Variants in CDH11 observed in about 807,000 individuals in gnomAD.
CDH11 encodes cadherin-11.
A neutral mutation model predicts 67.8 loss-of-function variants in CDH11; 11 were observed. That is an observed-to-expected ratio of 0.16 (90% CI 0.10 to 0.27). The LOEUF (loss-of-function observed/expected upper bound fraction) is 0.27, where lower values mean the gene tolerates loss of function less well. CDH11 is among the 10% of genes least tolerant of loss of function. The pLI, the probability that CDH11 is intolerant of heterozygous loss-of-function variation, is 1.00. For synonymous variants in CDH11, 419 were observed against 400.0 expected (o/e 1.05, Z -0.57); for missense variants, 847 against 1,031.2 (o/e 0.82, Z 2.45).
chr16:64,970,798 C>G (rs1342940797), intron 11 of CDH11, among the ~76,000 whole-genome samples: 2 of 152,168 alleles, frequency 1.3e-5, no homozygotes, highest in African/African-American at 4.8e-5. Flanking sequence ...ATTTGTCTCC[C>G]TGTTTTCACA....
Position 64,971,584 on chromosome 16 carries a change from T to C in CDH11, c.1637A>G (p.Asn546Ser), listed in dbSNP as rs759138385. 4 of 1,604,668 alleles carry C rather than the reference T, an allele frequency of 2.5e-6. No homozygotes were observed. The African/African-American group carries it at 4.0e-5, about 16-fold the overall frequency. Reference sequence around the variant, plus strand: ...GTAGGAACCTTAGTACAAACCTCGGTTGTCTCTGACTGTGAAATTTGGATT... The same window carrying C: ...GTAGGAACCTTAGTACAAACCTCGGCTGTCTCTGACTGTGAAATTTGGATT... ...IHNPNFTVRD[N>S]RDNTAGVYAR... is the part of the protein sequence containing the mutation. The change falls in exon 11 of 13, where the codon AAC becomes AGC. Residue 546 changes from asparagine to serine, a missense_variant. By Grantham distance (46) the Asn-to-Ser change is conservative. Coordinates refer to ENST00000268603, the MANE Select transcript of CDH11 (RefSeq NM_001797.4).
At chr16:64,957,173 A>C (rs1282750141) in intron 11 of CDH11, among the ~76,000 whole-genome samples, 2 of 152,118 alleles carry the variant, frequency 1.3e-5, no homozygotes, top group Admixed American at 6.5e-5. Flanking sequence ...AAGGCTCTGC[A>C]GATGCTCTTC....
At chr16:65,057,353 C>T (rs1320857019) in intron 1 of CDH11, among the ~76,000 whole-genome samples, 2 of 152,214 alleles carry the variant, frequency 1.3e-5, no homozygotes, top group Non-Finnish European at 2.9e-5. Flanking sequence ...GGGCTGTCTT[C>T]AAGTACAGCG....
chr16:64,999,633 A>C (rs1597074795), intron 3 of CDH11, among the ~76,000 whole-genome samples: 1 of 151,970 alleles, frequency 6.6e-6, no homozygotes, highest in East Asian at 1.9e-4. Context: ...TCCCATGTTC[A>C]AGCGATTTCT....
At chr16:65,105,418 C>T (rs903739159) in intron 1 of CDH11, among the ~76,000 whole-genome samples, 1 of 152,170 alleles carries the variant, frequency 6.6e-6, no homozygotes, top group African/African-American at 2.4e-5. Context: ...TCAACACATT[C>T]CCACAACACA....
chr16:65,082,869 G>C (rs2074633782), intron 1 of CDH11, among the ~76,000 whole-genome samples: 1 of 152,148 alleles, frequency 6.6e-6, no homozygotes, highest in Non-Finnish European at 1.5e-5. Flanking sequence ...ACCATTACCT[G>C]TTTGAAAGGC....
intron 6 of CDH11, among the ~76,000 whole-genome samples, chr16:64,990,812 A>G (rs189487843): frequency 2.0e-4 from 31 of 152,326 alleles, no homozygotes; most frequent in Non-Finnish European, 3.5e-4. Flanking sequence ...CCAGATAACA[A>G]TGGCTAGAAT....
chr16:65,077,386 T>C (rs2074531328), intron 1 of CDH11, among the ~76,000 whole-genome samples: 1 of 152,216 alleles, frequency 6.6e-6, no homozygotes, highest in Non-Finnish European at 1.5e-5. Context: ...TTTTCACAGC[T>C]GCGTAAAAAC....
Position 65,025,823 on chromosome 16 carries a change from A to T in CDH11, c.-172-20782T>A, listed in dbSNP as rs1199674810. 3.3e-5 allele frequency among the ~76,000 whole-genome samples: 5 copies of T among 152,228 alleles called. No homozygotes were observed. The East Asian group carries it at 7.7e-4, about 24-fold the overall frequency. ...CATAGGCATCCTTGTTTATCCCAGA[A>T]CCCAAATGGGATTCTGTAGTGTTGA... On this transcript the variant is annotated intron_variant, in intron 2 of 12. Transcript: ENST00000268603.
At chr16:65,120,100 G>A (rs969244177) in intron 1 of CDH11, among the ~76,000 whole-genome samples, 3 of 152,142 alleles carry the variant, frequency 2.0e-5, no homozygotes, top group African/African-American at 2.4e-5. Context: ...AGAAGACCAG[G>A]CTCCCTGCAG....
In CDH11 at chr16:64,973,016, G is replaced by A; in HGVS notation, c.1278C>T (p.Asp426=). ...PIRYSIDRHT[D]LDRFFTINPE... ...GATTAATAGTGAAAAATCTGTCGAGGTCAGTGTGACGATCGATGGAATACC... is the reference window on the plus strand; with the variant it reads ...GATTAATAGTGAAAAATCTGTCGAGATCAGTGTGACGATCGATGGAATACC... Residue 426 remains aspartate (D), a synonymous_variant, in exon 9 of 13, where the codon GAC becomes GAT. Transcript: ENST00000268603. The A allele has an allele frequency of 6.2e-7, 1 of 1,613,646 alleles. No homozygotes were observed. The highest frequency in any genetic ancestry group is 8.5e-7 in the Non-Finnish European group (1 of 1,179,790).
At position 65,026,194 on chromosome 16, in the gene CDH11, T is replaced by A. The variant is rs529066921; in HGVS notation, c.-172-21153A>T. Among the ~76,000 whole-genome samples the A allele has an allele frequency of 7.2e-5, 11 of 152,282 alleles. No individual in the cohort carries two copies. In the East Asian group the frequency reaches 2.1e-3, roughly 29 times the overall value. On this transcript the variant is annotated intron_variant, in intron 2 of 12. Transcript: ENST00000268603. Reference sequence around the variant, plus strand: ...GTTACCATCTACTAATTAGCTTTTTTAATTGAGTGTCTACTATCTGACAGA... The same window carrying A: ...GTTACCATCTACTAATTAGCTTTTTAAATTGAGTGTCTACTATCTGACAGA...
At position 64,947,808 on chromosome 16, in the gene CDH11, T is replaced by C; in HGVS notation, c.2186A>G (p.Asp729Gly). The change falls in exon 13 of 13, where the codon GAC becomes GGC. Residue 729 changes from aspartate (D) to glycine (G), a missense_variant. Physicochemically the swap from Asp to Gly is moderately conservative, Grantham distance 94. Transcript: ENST00000268603. ...DFINTRIQEA[D>G]NDPTAPPYDS... The stretch of plus-strand genomic sequence containing the variant: ...ATAAGGAGGAGCCGTGGGGTCATTG[T>C]CTGCCTCCTGTATTCTCGTGTTGAT... 1 of 1,614,210 alleles carries C rather than the reference T, an allele frequency of 6.2e-7. No homozygotes were observed. Among genetic ancestry groups the C allele is most frequent in the Non-Finnish European group, 8.5e-7 (1 of 1,180,034 alleles).
intron 8 of CDH11, among the ~76,000 whole-genome samples, chr16:64,979,738 G>A (rs2072280260): frequency 6.6e-6 from 1 of 152,056 alleles, no homozygotes; most frequent in Non-Finnish European, 1.5e-5. Flanking sequence ...CCAGGAAAGA[G>A]GAAAACATGT....
At chr16:64,958,242 C>T (rs2071572265) in intron 11 of CDH11, among the ~76,000 whole-genome samples, 2 of 152,328 alleles carry the variant, frequency 1.3e-5, no homozygotes, top group Middle Eastern at 3.4e-3. Flanking sequence ...TCCAATGAAT[C>T]TCATATCAGT....
At chr16:65,001,130 C>T (rs552351437) in intron 3 of CDH11, among the ~76,000 whole-genome samples, 46 of 152,094 alleles carry the variant, frequency 3.0e-4, no homozygotes, top group African/African-American at 1.0e-3. Context: ...TCAGTGAAAC[C>T]CCAATTATTT....
intron 1 of CDH11, among the ~76,000 whole-genome samples, chr16:65,102,776 C>T (rs1168808242): frequency 6.6e-6 from 1 of 152,134 alleles, no homozygotes; most frequent in Non-Finnish European, 1.5e-5. Flanking sequence ...TAAGAAATAC[C>T]CTATTCTTGG....
At chr16:64,995,351 G>T (rs909487452) in intron 4 of CDH11, among the ~76,000 whole-genome samples, 1 of 152,042 alleles carries the variant, frequency 6.6e-6, no homozygotes, top group African/African-American at 2.4e-5. Flanking sequence ...TATACTACAA[G>T]GCTACAGTAA....
chr16:65,073,830 AGTGCCCAGGTGATG>A (rs1485144234), intron 1 of CDH11, among the ~76,000 whole-genome samples: 5 of 152,164 alleles, frequency 3.3e-5, no homozygotes, highest in African/African-American at 9.7e-5. Context: ...CTGCCTAACA[AGTGCCCAGGTGATG>A]GTGAGGCCAC....
Sources: gnomAD v4.1 joint callset for allele counts (sites outside exome capture counted in the v4.1 genomes callset) on GRCh38, gnomAD v4.1.1 for gene constraint, MANE v1.5 for transcripts, NCBI Gene and HGNC (gene_info 2026-07-23, HGNC 2026-07-21) for gene names.